Variants in AGBL1 observed in about 807,000 individuals in gnomAD.
AGBL1 encodes the protein cytosolic carboxypeptidase 4.
A neutral mutation model predicts 118.9 loss-of-function variants in AGBL1; 130 were observed. The observed-to-expected ratio is 1.09, with a 90% CI of 0.95 to 1.26. AGBL1 has a LOEUF of 1.26. Ranked by LOEUF, AGBL1 falls within the 50% of genes most tolerant of loss-of-function variation. The pLI, the probability that AGBL1 is intolerant of heterozygous loss-of-function variation, is 0.00. For missense variants in AGBL1, 1,584 were observed against 1,298.1 expected (o/e 1.22, Z -3.38); for synonymous variants, 555 against 478.9 (o/e 1.16, Z -2.08).
chr15:86,983,513 T>C (rs1460224943), intron 23 of AGBL1, among the ~76,000 whole-genome samples: 1 of 152,246 alleles, frequency 6.6e-6, no homozygotes. Context: ...TTCCTGACTA[T>C]GTTAACCCCT....
At chr15:86,600,807 A>T (rs2437808) in intron 21 of AGBL1, among the ~76,000 whole-genome samples, 142,359 of 152,202 alleles carry the variant, frequency 0.94, 66,605 homozygotes, top group East Asian at 1. Context: ...AGAGAGAAAA[A>T]TGGGCTGACT....
intron 22 of AGBL1, among the ~76,000 whole-genome samples, chr15:86,745,928 G>A (rs1234856216): frequency 6.6e-6 from 1 of 152,024 alleles, no homozygotes; most frequent in Non-Finnish European, 1.5e-5. Flanking sequence ...GAGCACATCT[G>A]GTCTAAGATA....
chr15:87,004,593 A>T (rs2081477879), intron 24 of AGBL1, among the ~76,000 whole-genome samples: 1 of 152,134 alleles, frequency 6.6e-6, no homozygotes, highest in East Asian at 1.9e-4. Flanking sequence ...TCTGCACGTG[A>T]GATGGGTCTC....
chr15:86,393,803 C>A (rs1010253523), intron 17 of AGBL1, among the ~76,000 whole-genome samples: 2 of 152,004 alleles, frequency 1.3e-5, no homozygotes, highest in Non-Finnish European at 2.9e-5. Context: ...ATCCTAATTC[C>A]CAAAGTGATG....
In AGBL1 at chr15:87,020,916, T is replaced by C. The variant is rs527541523; in HGVS notation, c.3324-7909T>C. Among the ~76,000 whole-genome samples the C allele has an allele frequency of 1.1e-4, 16 of 152,174 alleles. No individual in the cohort carries two copies. In the South Asian group the frequency reaches 2.9e-3, roughly 28 times the overall value. ...ACTCAATATTGTGAAAATGGCCATA[T>C]TGCCCAAAGTAATTTATAGATTCAA... On this transcript the variant is annotated intron_variant, in intron 24 of 24. Transcript: ENST00000441037.
chr15:86,768,183 A>G (rs1001550858), intron 22 of AGBL1, among the ~76,000 whole-genome samples: 1 of 151,950 alleles, frequency 6.6e-6, no homozygotes, highest in South Asian at 2.1e-4. Context: ...TTTGCTCGCA[A>G]ATTTTATTCA....
rs137939537 is a variant in AGBL1 at position 86,394,334 on chromosome 15, C to T, written c.2375-3032C>T. The stretch of plus-strand genomic sequence containing the variant: ...ATTTCTTCTGATGAAAATGCATCAT[C>T]TCCCTTTTTCTTAAGATAGCGGTTC... On this transcript the variant is annotated intron_variant, in intron 17 of 22. Coordinates refer to ENST00000614907, the MANE Select transcript of AGBL1 (RefSeq NM_001386094.1). Among the ~76,000 whole-genome samples, 20 of 152,214 alleles carry T rather than the reference C, an allele frequency of 1.3e-4. No homozygotes were observed. The East Asian group carries it at 3.7e-3, about 28-fold the overall frequency.
At chr15:86,297,592 A>G (rs1422173479) in intron 17 of AGBL1, among the ~76,000 whole-genome samples, 2 of 152,110 alleles carry the variant, frequency 1.3e-5, no homozygotes, top group Non-Finnish European at 2.9e-5. Flanking sequence ...TGCCTTTCTG[A>G]TACTACTCTT....
At chr15:86,284,799 A>C (rs1400617791) in intron 16 of AGBL1, among the ~76,000 whole-genome samples, 1 of 152,176 alleles carries the variant, frequency 6.6e-6, no homozygotes, top group Non-Finnish European at 1.5e-5. Context: ...TCAAAGTTTT[A>C]AGGGAGTAGT....
chr15:86,781,148 T>A (rs1257775748), intron 22 of AGBL1, among the ~76,000 whole-genome samples: 2 of 152,312 alleles, frequency 1.3e-5, no homozygotes, highest in Middle Eastern at 3.4e-3. Flanking sequence ...AACATAGAGA[T>A]GAATTTTTTT....
intron 22 of AGBL1, among the ~76,000 whole-genome samples, chr15:86,683,822 AGTT>A (rs1416773344): frequency 6.6e-6 from 1 of 152,204 alleles, no homozygotes; most frequent in East Asian, 1.9e-4. Flanking sequence ...AAACAGGAGC[AGTT>A]GTTGTCATTT....
intron 21 of AGBL1, among the ~76,000 whole-genome samples, chr15:86,620,385 G>A (rs28392550): frequency 4.6e-5 from 7 of 152,050 alleles, no homozygotes; most frequent in East Asian, 1.9e-4. Context: ...TAAACTTCAC[G>A]CTGTCAGGAG....
chr15:86,944,687 T>C (rs2080795582), intron 23 of AGBL1, among the ~76,000 whole-genome samples: 1 of 152,240 alleles, frequency 6.6e-6, no homozygotes, highest in African/African-American at 2.4e-5. Flanking sequence ...CCTTCATTCA[T>C]GAAATCTGCA....
chr15:86,779,845 C>G (rs1203211699), intron 22 of AGBL1, among the ~76,000 whole-genome samples: 2 of 151,692 alleles, frequency 1.3e-5, no homozygotes, highest in East Asian at 3.9e-4. Flanking sequence ...CCTATTCAAA[C>G]TTTTGTTCAT....
At chr15:86,950,668 T>A (rs2080871129) in intron 23 of AGBL1, among the ~76,000 whole-genome samples, 1 of 151,772 alleles carries the variant, frequency 6.6e-6, no homozygotes, top group African/African-American at 2.4e-5. Flanking sequence ...GTACTTGCAA[T>A]ACAGAAATCC....
At chr15:86,351,113 A>G (rs2080618966) in intron 17 of AGBL1, among the ~76,000 whole-genome samples, 1 of 152,196 alleles carries the variant, frequency 6.6e-6, no homozygotes, top group Admixed American at 6.5e-5. Context: ...GTAATTTATA[A>G]TAAACAGAAA....
chr15:86,656,970 C>T (rs2085470056), intron 21 of AGBL1, among the ~76,000 whole-genome samples: 1 of 152,060 alleles, frequency 6.6e-6, no homozygotes, highest in Non-Finnish European at 1.5e-5. Context: ...TTTTCTTTGC[C>T]CTGGCTTTTA....
At chr15:86,663,106 C>T (rs2085575447) in intron 21 of AGBL1, among the ~76,000 whole-genome samples, 1 of 152,152 alleles carries the variant, frequency 6.6e-6, no homozygotes, top group South Asian at 2.1e-4. Context: ...GACTTCCACA[C>T]CTATGGGTTA....
rs2076960964 is a variant in AGBL1, at chr15:86,141,386, G to C, written c.52-618G>C. ...TTGAAAAATAAGCCGGCCGGGTGTGGTGGCTCATGCCTGTAATCCCTTTGG... is the reference window on the plus strand; with the variant it reads ...TTGAAAAATAAGCCGGCCGGGTGTGCTGGCTCATGCCTGTAATCCCTTTGG... On this transcript the variant is annotated intron_variant, in intron 1 of 22. Coordinates refer to ENST00000614907, the MANE Select transcript of AGBL1 (RefSeq NM_001386094.1). Among the ~76,000 whole-genome samples the C allele has an allele frequency of 2.0e-5, 3 of 152,224 alleles. No homozygotes were observed. The South Asian group carries it at 6.2e-4, about 31-fold the overall frequency.
Sources: allele counts gnomAD v4.1 joint callset (sites outside exome capture counted in the v4.1 genomes callset), GRCh38; gene constraint gnomAD v4.1.1; transcripts MANE v1.5; gene names NCBI Gene and HGNC (gene_info 2026-07-23, HGNC 2026-07-21).